GLIS3: variants seen among roughly 807,000 people sequenced by gnomAD.
The protein encoded by GLIS3 is zinc finger protein GLIS3.
In GLIS3, 53 loss-of-function variants were observed where a neutral mutation model predicts 78.6. That is an observed-to-expected ratio of 0.67 (90% CI 0.54 to 0.85). GLIS3 has a LOEUF of 0.85. Ranked by LOEUF, GLIS3 falls within the 40% of genes least tolerant of loss-of-function variation. The probability of loss-of-function intolerance (pLI) is 0.00; values close to 1 mark genes in which losing one functional copy is unlikely to be tolerated. For synonymous variants in GLIS3, 684 were observed against 509.9 expected (o/e 1.34, Z -4.60); for missense variants, 1,703 against 1,231.1 (o/e 1.38, Z -5.74).
At chr9:4,052,794 G>A (rs1825832010) in intron 4 of GLIS3, among the ~76,000 whole-genome samples, 2 of 152,146 alleles carry the variant, frequency 1.3e-5, no homozygotes, top group Middle Eastern at 3.4e-3. Context: ...TCATGTAAAC[G>A]TTTTTGTTTA....
At chr9:4,428,425 G>C in the GLIS3 span, among the ~76,000 whole-genome samples, 1 of 139,504 alleles carries the variant, frequency 7.2e-6, no homozygotes, top group Non-Finnish European at 1.5e-5. Flanking sequence ...GTTACAGTGA[G>C]CCAACATTGT....
At chr9:4,144,349 T>C (rs1355636644) in intron 2 of GLIS3, among the ~76,000 whole-genome samples, 2 of 152,148 alleles carry the variant, frequency 1.3e-5, no homozygotes, top group African/African-American at 2.4e-5. Context: ...TATTTTTTGA[T>C]AGGTTATAAC....
chr9:4,107,493 G>A (rs1305627719), intron 4 of GLIS3, among the ~76,000 whole-genome samples: 1 of 152,140 alleles, frequency 6.6e-6, no homozygotes, highest in Non-Finnish European at 1.5e-5. Context: ...AGGATCCTGA[G>A]TCACTATACA....
At chr9:4,411,049 G>A in the GLIS3 span, among the ~76,000 whole-genome samples, 1,936 of 152,026 alleles carry the variant, frequency 0.013, 46 homozygotes, top group African/African-American at 0.044. Flanking sequence ...AAAATTTAAC[G>A]CAAACAAAAT....
At chr9:4,338,542 G>A (rs541012776) in intron 2 of GLIS3, among the ~76,000 whole-genome samples, 12 of 152,176 alleles carry the variant, frequency 7.9e-5, no homozygotes, top group Non-Finnish European at 1.3e-4. Flanking sequence ...ACTGTATAGG[G>A]CCCCAAACTT....
intron 4 of GLIS3, among the ~76,000 whole-genome samples, chr9:4,064,074 G>T (rs564085606): frequency 1.6e-4 from 25 of 152,064 alleles, no homozygotes; most frequent in South Asian, 1.5e-3. Flanking sequence ...ACAGAGGAAA[G>T]AATCAAGTAA....
chr9:4,174,019 A>G (rs183748568), intron 2 of GLIS3, among the ~76,000 whole-genome samples: 2 of 152,086 alleles, frequency 1.3e-5, no homozygotes, highest in Non-Finnish European at 1.5e-5. Flanking sequence ...CCACATTTCT[A>G]TCTCAGTTTT....
intron 4 of GLIS3, among the ~76,000 whole-genome samples, chr9:4,065,526 G>A (rs7866954): frequency 0.023 from 3,499 of 152,032 alleles, 129 homozygotes; most frequent in African/African-American, 0.079. Flanking sequence ...CAACTCTTCT[G>A]CCTTAATGTA....
chr9:4,314,410 C>A (rs940861505), intron 2 of GLIS3, among the ~76,000 whole-genome samples: 1 of 151,986 alleles, frequency 6.6e-6, no homozygotes, highest in South Asian at 2.1e-4. Context: ...CCACTCCATG[C>A]AAAAAAAGAT....
At chr9:3,892,187 G>T (rs1197790688) in intron 7 of GLIS3, among the ~76,000 whole-genome samples, 1 of 152,098 alleles carries the variant, frequency 6.6e-6, no homozygotes, top group Admixed American at 6.5e-5. Context: ...GAGAGAACGG[G>T]ACTGGAGTCT....
intron 2 of GLIS3, among the ~76,000 whole-genome samples, chr9:4,242,647 G>A (rs1823426063): frequency 6.6e-6 from 1 of 152,158 alleles, no homozygotes; most frequent in South Asian, 2.1e-4. Context: ...TTCTATATCT[G>A]TGCATATCCA....
At chr9:4,440,459 G>A in the GLIS3 span, among the ~76,000 whole-genome samples, 458 of 152,250 alleles carry the variant, frequency 3.0e-3, 2 homozygotes, top group African/African-American at 0.01. Context: ...AAATGTGTTC[G>A]TAGCACCTTT....
intron 1 of GLIS3, 117 bp downstream of exon 1, chr9:4,299,304 G>A (rs1441617888): frequency 1.3e-5 from 2 of 152,204 alleles, no homozygotes; most frequent in African/African-American, 2.4e-5. Flanking sequence ...GCTCAGCGTA[G>A]AAAACTATTT....
chr9:4,410,124 C>T, the GLIS3 span, among the ~76,000 whole-genome samples: 4 of 151,880 alleles, frequency 2.6e-5, no homozygotes, highest in African/African-American at 9.7e-5. Context: ...AAATGCACCA[C>T]CATGCCCGGC....
At chr9:4,222,254 C>A (rs1354070375) in intron 2 of GLIS3, among the ~76,000 whole-genome samples, 6 of 152,192 alleles carry the variant, frequency 3.9e-5, no homozygotes, top group South Asian at 4.1e-4. Flanking sequence ...AGTACACCTT[C>A]CTCTTTCTCT....
chr9:4,217,043 C>T (rs1820915396), intron 2 of GLIS3, among the ~76,000 whole-genome samples: 1 of 152,188 alleles, frequency 6.6e-6, no homozygotes, highest in Non-Finnish European at 1.5e-5. Context: ...ATCCAAGAGT[C>T]ATGGTTCCAA....
At chr9:3,956,028 CAAAAAAA>C (rs5896037) in intron 4 of GLIS3, among the ~76,000 whole-genome samples, 4 of 87,606 alleles carry the variant, frequency 4.6e-5, no homozygotes, top group South Asian at 4.4e-4. Flanking sequence ...CCAGATTCAG[CAAAAAAA>C]AAAAAAAAAA....
At chr9:4,435,065 GT>G in the GLIS3 span, among the ~76,000 whole-genome samples, 1 of 152,164 alleles carries the variant, frequency 6.6e-6, no homozygotes, top group Non-Finnish European at 1.5e-5. Context: ...AAGCTTCAAC[GT>G]TTGTCTCTCA....
chr9:3,944,997 C>A (rs996758532), intron 4 of GLIS3, among the ~76,000 whole-genome samples: 1 of 152,210 alleles, frequency 6.6e-6, no homozygotes, highest in Non-Finnish European at 1.5e-5. Flanking sequence ...CTGATGCAGT[C>A]CCACTAGGGT....
Sources: allele counts gnomAD v4.1 joint callset (sites outside exome capture counted in the v4.1 genomes callset), GRCh38; gene constraint gnomAD v4.1.1; transcripts MANE v1.5; gene names NCBI Gene and HGNC (gene_info 2026-07-23, HGNC 2026-07-21).